The following DGKB variants were observed in gnomAD, a reference collection of about 807,000 sequenced individuals.
DGKB encodes 90 kDa diacylglycerol kinase.
Under a neutral mutation model 114.3 loss-of-function variants are expected in DGKB, and 67 were observed. The observed-to-expected ratio is 0.59, with a 90% CI of 0.48 to 0.72. DGKB has a LOEUF of 0.72. Among genes scored for constraint, DGKB ranks in the 30% least tolerant of loss-of-function variants. The pLI, the probability that DGKB is intolerant of heterozygous loss-of-function variation, is 0.00. For synonymous variants in DGKB, 398 were observed against 323.1 expected, an observed-to-expected ratio of 1.23 and a Z score of -2.49; for missense variants, 907 against 975.2, an observed-to-expected ratio of 0.93 and a Z score of 0.93.
At chr7:14,397,511 G>A (rs1822411237) in intron 21 of DGKB, among the ~76,000 whole-genome samples, 1 of 152,024 alleles carries the variant, frequency 6.6e-6, no homozygotes, top group African/African-American at 2.4e-5. Flanking sequence ...CTCTCTGAGA[G>A]TCTAGAACTG....
intron 13 of DGKB, among the ~76,000 whole-genome samples, chr7:14,641,492 T>C (rs932356001): frequency 1.8e-5 from 1 of 55,472 alleles, no homozygotes; most frequent in Non-Finnish European, 4.4e-5. Flanking sequence ...ATCTTTCTCA[T>C]TTTGGAAAAA....
chr7:14,931,260 C>T lies in DGKB; in HGVS notation c.-188+43436G>A, dbSNP rs530357626. Among the ~76,000 whole-genome samples, 8 of 151,956 alleles carry T rather than the reference C, an allele frequency of 5.3e-5. No individual in the cohort carries two copies. The South Asian group carries it at 8.3e-4, about 16-fold the overall frequency. The stretch of plus-strand genomic sequence containing the variant: ...CTGAGTATCTGGGATTACAGGCGTG[C>T]GCCTCCAAGCCCAGCTAATTTTTGT... On this transcript the variant is annotated intron_variant, in intron 1 of 4. Transcript: ENST00000437998.
At chr7:14,969,603 T>C (rs1023247278) in intron 1 of DGKB, among the ~76,000 whole-genome samples, 2 of 152,148 alleles carry the variant, frequency 1.3e-5, no homozygotes, top group Admixed American at 1.3e-4. Flanking sequence ...ATGAATCCTA[T>C]TGTAAACTAA....
At chr7:14,685,995 T>A (rs141490965) in intron 9 of DGKB, among the ~76,000 whole-genome samples, 10 of 152,318 alleles carry the variant, frequency 6.6e-5, no homozygotes, top group Non-Finnish European at 1.3e-4. Context: ...GCAAACTTTT[T>A]AAAGGATTTC....
intron 2 of DGKB, among the ~76,000 whole-genome samples, chr7:14,807,502 G>A (rs1842920146): frequency 6.6e-6 from 1 of 151,886 alleles, no homozygotes; most frequent in South Asian, 2.1e-4. Context: ...TCTGTCCCAT[G>A]GGAAATCATT....
chr7:14,149,303 A>G (rs1781836661), intron 25 of DGKB, 65 bp from the exon 26 acceptor site: 2 of 1,156,672 alleles, frequency 1.7e-6, no homozygotes, highest in Non-Finnish European at 2.5e-6. Flanking sequence ...TACAATACCA[A>G]TTTGTGAGAC....
chr7:14,688,783 A>G (rs1822170090), intron 9 of DGKB, among the ~76,000 whole-genome samples: 1 of 151,946 alleles, frequency 6.6e-6, no homozygotes. Context: ...TTTAAAACCT[A>G]TTATCCTAGT....
At chr7:14,285,896 T>C (rs780618527) in intron 23 of DGKB, among the ~76,000 whole-genome samples, 1 of 152,166 alleles carries the variant, frequency 6.6e-6, no homozygotes, top group Non-Finnish European at 1.5e-5. Flanking sequence ...ACATCTTCTT[T>C]GTGCTTAAAA....
chr7:14,196,769 G>A (rs1478821175), intron 23 of DGKB, among the ~76,000 whole-genome samples: 1 of 151,610 alleles, frequency 6.6e-6, no homozygotes, highest in East Asian at 1.9e-4. Context: ...TATTAATCAT[G>A]TACTGACAAG....
At chr7:14,727,785 A>G (rs1830241156) in intron 5 of DGKB, among the ~76,000 whole-genome samples, 1 of 152,190 alleles carries the variant, frequency 6.6e-6, no homozygotes, top group African/African-American at 2.4e-5. Flanking sequence ...AAGACCTGTT[A>G]AGGTACAGCA....
chr7:14,960,237 G>C (rs955419338), intron 1 of DGKB, among the ~76,000 whole-genome samples: 2 of 152,134 alleles, frequency 1.3e-5, no homozygotes. Flanking sequence ...AGTTTACTTT[G>C]AAAATTTTGC....
chr7:14,179,479 G>T (rs1243751845), intron 23 of DGKB, among the ~76,000 whole-genome samples: 1 of 152,192 alleles, frequency 6.6e-6, no homozygotes, highest in Admixed American at 6.5e-5. Context: ...CCATGTAATA[G>T]TTGGTCATAT....
intron 20 of DGKB, among the ~76,000 whole-genome samples, chr7:14,496,208 G>A (rs1300991241): frequency 6.6e-6 from 1 of 151,750 alleles, no homozygotes; most frequent in African/African-American, 2.4e-5. Flanking sequence ...CATAAGATTT[G>A]TTTTTGAATT....
At chr7:14,323,663 G>A (rs1020564362) in intron 23 of DGKB, among the ~76,000 whole-genome samples, 2 of 152,146 alleles carry the variant, frequency 1.3e-5, no homozygotes, top group African/African-American at 4.8e-5. Flanking sequence ...CAATGCAAAG[G>A]CTTTGAGATG....
intron 23 of DGKB, among the ~76,000 whole-genome samples, chr7:14,294,182 T>C (rs764049478): frequency 3.0e-4 from 46 of 152,292 alleles, no homozygotes; most frequent in African/African-American, 1.1e-3. Context: ...TGGTCCTCCT[T>C]CTGAGTGTCT....
intron 23 of DGKB, among the ~76,000 whole-genome samples, chr7:14,266,153 A>C (rs1797489934): frequency 6.6e-6 from 1 of 152,156 alleles, no homozygotes; most frequent in Non-Finnish European, 1.5e-5. Context: ...GAAGCCATCA[A>C]GCTCTTATAG....
intron 20 of DGKB, among the ~76,000 whole-genome samples, chr7:14,493,864 G>A (rs1414676156): frequency 6.6e-6 from 1 of 151,270 alleles, no homozygotes; most frequent in East Asian, 1.9e-4. Context: ...GACTTATCCA[G>A]CATGTAAACT....
chr7:14,674,617 T>C (rs995112740), intron 12 of DGKB, among the ~76,000 whole-genome samples: 7 of 152,068 alleles, frequency 4.6e-5, no homozygotes, highest in African/African-American at 9.7e-5. Flanking sequence ...TCTTTCTAGA[T>C]GTATTTAAGC....
intron 16 of DGKB, among the ~76,000 whole-genome samples, chr7:14,612,501 T>C (rs1042005328): frequency 1.3e-5 from 2 of 152,148 alleles, no homozygotes; most frequent in Non-Finnish European, 2.9e-5. Flanking sequence ...AAAAGCATTC[T>C]TCATTTCATG....
Sources: gnomAD v4.1 joint callset for allele counts (sites outside exome capture counted in the v4.1 genomes callset) on GRCh38, gnomAD v4.1.1 for gene constraint, MANE v1.5 for transcripts, NCBI Gene and HGNC (gene_info 2026-07-23, HGNC 2026-07-21) for gene names.